TRMT13: variants seen among roughly 807,000 people sequenced by gnomAD.
The protein encoded by TRMT13 is tRNA methyltransferase 13.
In TRMT13, 45 loss-of-function variants were observed where a neutral mutation model predicts 55.9. The ratio of observed to expected loss-of-function variants is 0.80; its 90% confidence interval spans 0.63 to 1.03. The LOEUF is 1.03. TRMT13 is among the 50% of genes least tolerant of loss of function. The pLI, the probability that TRMT13 is intolerant of heterozygous loss-of-function variation, is 0.00. For missense variants in TRMT13, 513 were observed against 563.9 expected, an observed-to-expected ratio of 0.91 and a Z score of 0.91; for synonymous variants, 183 against 196.3, an observed-to-expected ratio of 0.93 and a Z score of 0.57.
At chr1:100,135,013 G>C (rs1655622922) in intron 1 of TRMT13, among the ~76,000 whole-genome samples, 1 of 152,076 alleles carries the variant, frequency 6.6e-6, no homozygotes, top group Non-Finnish European at 1.5e-5. Flanking sequence ...GTTCTCGACT[G>C]GGACTGATTT....
At chr1:100,143,519 T>C (rs573592497) in intron 8 of TRMT13, among the ~76,000 whole-genome samples, 14 of 152,350 alleles carry the variant, frequency 9.2e-5, no homozygotes, top group Non-Finnish European at 1.6e-4. Context: ...GTTCAAACTA[T>C]AAACTAGCCT....
intron 3 of TRMT13, 76 bp from the exon 4 acceptor site, chr1:100,139,573 A>G (rs759186547): frequency 1.4e-5 from 12 of 843,626 alleles, no homozygotes; most frequent in Admixed American, 2.2e-5. Flanking sequence ...GGATAAAGGG[A>G]AGAATCAGTA....
chr1:100,140,471 A>G lies in TRMT13; in HGVS notation c.458A>G (p.Asp153Gly). 6.2e-7 allele frequency: 1 copy of G among 1,614,076 alleles called. No individual in the cohort carries two copies. The change falls in exon 6 of 11, where the codon GAC becomes GGC. Residue 153 changes from aspartate to glycine, a missense_variant. Asp to Gly is a moderately conservative substitution (Grantham distance 94, BLOSUM62 -1). Transcript: ENST00000370141. ...SHPALHDALNDPKNGDSATKH... is the reference protein window; with the variant it reads ...SHPALHDALNGPKNGDSATKH... ...CCAGCATTACACGATGCACTTAATG[A>G]CCCTAAAAATGGCGATTCTGCAACC...
At chr1:100,144,331 T>G in intron 9 of TRMT13, 188 bp downstream of exon 9, 2 of 510,216 alleles carry the variant, frequency 3.9e-6, no homozygotes, top group Admixed American at 7.1e-5. Flanking sequence ...TTGGCCATTT[T>G]GCAGGATGAA....
intron 1 of TRMT13, among the ~76,000 whole-genome samples, chr1:100,134,856 G>A (rs930473546): frequency 1.4e-4 from 22 of 152,182 alleles, no homozygotes; most frequent in Admixed American, 3.3e-4. Flanking sequence ...ACATCAAGTG[G>A]AAACACTTTT....
Position 100,147,830 on chromosome 1 carries a change from A to G in TRMT13, c.818-64A>G, listed in dbSNP as rs750651846. 4.5e-4 allele frequency: 655 copies of G among 1,456,292 alleles called. 1 individual carries two copies. The highest frequency in any genetic ancestry group is 5.5e-4 in the Non-Finnish European group (600 of 1,092,974). The allele number at this position is 1,456,292 out of a possible 1,614,324, so 90.2% of individuals were successfully genotyped here. A position where few individuals can be genotyped will look rare whatever the true frequency, so the allele number is the denominator to read the frequency against. On this transcript the variant is annotated intron_variant, in intron 9 of 10. Coordinates refer to ENST00000370141, the MANE Select transcript of TRMT13 (RefSeq NM_019083.3). ...TTTTAAAAACAGTACTGCTTAATAA[A>G]TGTAAAAAGTATTTATTTTTAAAGA... is the stretch of plus-strand genomic sequence containing the variant.
chr1:100,149,695 G>A lies in TRMT13; in HGVS notation c.*875G>A. ...GAAACCAAAAACCTTCTCAAATTTA[G>A]GCCTTATTTAACTCATGACTGGTTT... On this transcript the variant is annotated 3_prime_UTR_variant, in exon 11 of 11. Transcript: ENST00000370141. 1 of 288,998 alleles carries A rather than the reference G, an allele frequency of 3.5e-6. No homozygotes were observed. The highest frequency in any genetic ancestry group is 6.4e-6 in the Non-Finnish European group (1 of 155,984). The allele number at this position is 288,998 out of a possible 1,614,324, so 17.9% of individuals were successfully genotyped here.
intron 3 of TRMT13, among the ~76,000 whole-genome samples, chr1:100,137,555 A>T (rs1034199392): frequency 3.3e-5 from 5 of 152,150 alleles, no homozygotes; most frequent in African/African-American, 1.2e-4. Flanking sequence ...CTTTTGTTCC[A>T]TAAGTAGACA....
chr1:100,138,891 T>G (rs1025538699), intron 3 of TRMT13, among the ~76,000 whole-genome samples: 5 of 152,236 alleles, frequency 3.3e-5, no homozygotes, highest in Non-Finnish European at 7.3e-5. Flanking sequence ...TGTTGGACAA[T>G]GGTAATGCAG....
chr1:100,147,859 T>C (rs374248620), intron 9 of TRMT13, 35 bp from the exon 10 acceptor site: 19 of 1,529,976 alleles, frequency 1.2e-5, no homozygotes, highest in Non-Finnish European at 1.7e-5. Flanking sequence ...TTAAAGATGA[T>C]GTGGTTTGGG....
intron 9 of TRMT13, among the ~76,000 whole-genome samples, chr1:100,145,935 C>G (rs891311431): frequency 3.9e-5 from 6 of 152,196 alleles, no homozygotes; most frequent in African/African-American, 1.4e-4. Context: ...TTAAACTCTT[C>G]GGTACTTCCT....
intron 9 of TRMT13, among the ~76,000 whole-genome samples, chr1:100,147,505 TC>T (rs1017511060): frequency 3.3e-5 from 5 of 152,312 alleles, no homozygotes; most frequent in African/African-American, 1.2e-4. Context: ...CTTCCTTCCT[TC>T]CTTCATTTTT....
rs1656474902 is a variant in TRMT13, at chr1:100,140,517, A to G, written c.501+3A>G. 1.9e-6 allele frequency: 3 copies of G among 1,599,250 alleles called. No individual in the cohort carries two copies. The highest frequency in any genetic ancestry group is 1.7e-5 in the Admixed American group (1 of 59,972). On this transcript the variant is annotated splice_donor_region_variant and intron_variant, in intron 6 of 10. Transcript: ENST00000370141. ...CAACCAAGCACCTGAAACAGCAGGT[A>G]TGTTTAGGCTATAGTAACTACTAAA... is the stretch of plus-strand genomic sequence containing the variant.
At position 100,140,836 on chromosome 1, in the gene TRMT13, C is replaced by G. The variant is rs372137775; in HGVS notation, c.502-16C>G. The stretch of plus-strand genomic sequence containing the variant: ...TGTTTACTCTAGTTTATAAAATAAT[C>G]TTGTGAAGTTTGCAGGCTTCTATTT... On this transcript the variant is annotated splice_polypyrimidine_tract_variant and intron_variant, in intron 6 of 10. Transcript: ENST00000370141. 6 of 1,604,362 alleles carry G rather than the reference C, an allele frequency of 3.7e-6. No individual in the cohort carries two copies. In the African/African-American group the frequency reaches 5.4e-5, roughly 14 times the overall value.
rs1657508854 is a variant in TRMT13, at chr1:100,148,051, C to A, written c.975C>A (p.Asn325Lys). The A allele has an allele frequency of 6.2e-7, 1 of 1,614,044 alleles. No homozygotes were observed. Among genetic ancestry groups the A allele is most frequent in the African/African-American group, 1.3e-5 (1 of 74,910 alleles). ...GNEKNVPEKW[N>K]PVAGIVIALC... is the part of the protein sequence containing the mutation. ...AAAAAAATGTCCCAGAGAAGTGGAA[C>A]CCTGTGGCTGGCATTGTTATTGCAC... The change falls in exon 10 of 11, where the codon AAC (asparagine) becomes AAA (lysine). Residue 325 changes from asparagine (N) to lysine (K), a missense_variant. Coordinates refer to ENST00000370141, the MANE Select transcript of TRMT13 (RefSeq NM_019083.3).
At chr1:100,135,549 GTTAACTA>G (rs1290436610) in intron 1 of TRMT13, among the ~76,000 whole-genome samples, 1 of 152,084 alleles carries the variant, frequency 6.6e-6, no homozygotes, top group African/African-American at 2.4e-5. Context: ...GTTTTGTTTT[GTTAACTA>G]TTAGCTCACT....
intron 6 of TRMT13, 31 bp from the exon 7 acceptor site, chr1:100,140,821 A>C: frequency 6.3e-7 from 1 of 1,591,042 alleles, no homozygotes; most frequent in Non-Finnish European, 8.6e-7. Context: ...TGTTTACTCT[A>C]GTTTATAAAA....
At chr1:100,138,850 T>A (rs1191141626) in intron 3 of TRMT13, among the ~76,000 whole-genome samples, 4 of 152,250 alleles carry the variant, frequency 2.6e-5, no homozygotes, top group Non-Finnish European at 5.9e-5. Context: ...CCAGAGCAGA[T>A]GTAGAACATT....
chr1:100,136,884 A>G lies in TRMT13; in HGVS notation c.150A>G (p.Glu50=). The G allele has an allele frequency of 5.0e-6, 8 of 1,596,492 alleles. No homozygotes were observed. The highest frequency in any genetic ancestry group is 6.8e-6 in the Non-Finnish European group (8 of 1,173,742). ...FCGEHAGAAE[E]EDARKRILCP... ...AAATGTATCTCTTAATTTATTAGGA[A>G]GAAGATGCTCGGAAAAGAATCCTGT... Residue 50 remains glutamate, a splice_region_variant and synonymous_variant, in exon 2 of 11, where the codon GAA becomes GAG. Coordinates refer to ENST00000370141, the MANE Select transcript of TRMT13 (RefSeq NM_019083.3).
Sources: allele counts gnomAD v4.1 joint callset (sites outside exome capture counted in the v4.1 genomes callset), GRCh38; gene constraint gnomAD v4.1.1; transcripts MANE v1.5; gene names NCBI Gene and HGNC (gene_info 2026-07-23, HGNC 2026-07-21).